The following SDF2 variants were observed in gnomAD, a reference collection of about 807,000 sequenced individuals.
The protein encoded by SDF2 is stromal cell derived factor 2.
Under a neutral mutation model 20.5 loss-of-function variants are expected in SDF2, and 12 were observed. That is an observed-to-expected ratio of 0.58 (90% CI 0.37 to 0.95). The LOEUF (loss-of-function observed/expected upper bound fraction) is 0.95, where lower values mean the gene tolerates loss of function less well. Among genes scored for constraint, SDF2 ranks in the 40% least tolerant of loss-of-function variants. SDF2 has a pLI of 0.01. For synonymous variants in SDF2, 100 were observed against 101.0 expected, an observed-to-expected ratio of 0.99 and a Z score of 0.06; for missense variants, 238 against 263.1, an observed-to-expected ratio of 0.90 and a Z score of 0.66.
In SDF2 at chr17:28,648,711, T is replaced by C. The variant is rs531260889; in HGVS notation, c.*278A>G. The C allele has an allele frequency of 4.4e-6, 2 of 459,280 alleles. No homozygotes were observed. The highest frequency in any genetic ancestry group is 3.9e-5 in the African/African-American group (2 of 51,684). 28.5% of individuals were successfully genotyped at this position (459,280 alleles called of 1,614,324 possible). On this transcript the variant is annotated 3_prime_UTR_variant, in exon 3 of 3. Transcript: ENST00000247020. Reference sequence around the variant, plus strand: ...AAGTTTCCCAGCTAAGAGGGATGTTTCCCTCAGTTTGTTTTATCAGTACTA... The same window carrying C: ...AAGTTTCCCAGCTAAGAGGGATGTTCCCCTCAGTTTGTTTTATCAGTACTA...
intron 1 of SDF2, among the ~76,000 whole-genome samples, chr17:28,660,126 G>A (rs2072009546): frequency 6.6e-6 from 1 of 152,200 alleles, no homozygotes; most frequent in Non-Finnish European, 1.5e-5. Context: ...GCAATCCCAG[G>A]CACTCGGCAG....
At chr17:28,651,591 A>G (rs1393195041) in intron 2 of SDF2, 1 of 152,242 alleles carries the variant, frequency 6.6e-6, no homozygotes, top group Non-Finnish European at 1.5e-5. Context: ...TGAGAATTAA[A>G]TGAGATAGCA....
At chr17:28,655,011 T>C (rs934584924) in intron 2 of SDF2, among the ~76,000 whole-genome samples, 3 of 151,754 alleles carry the variant, frequency 2.0e-5, no homozygotes, top group Admixed American at 6.6e-5. Context: ...GCGCCTGTAA[T>C]CCCAGCTACT....
chr17:28,660,191 A>G (rs1463255899), intron 1 of SDF2, among the ~76,000 whole-genome samples: 3 of 152,248 alleles, frequency 2.0e-5, no homozygotes, highest in Admixed American at 6.5e-5. Flanking sequence ...GCGAGCCGAG[A>G]TCACGGCAGT....
intron 2 of SDF2, among the ~76,000 whole-genome samples, chr17:28,650,819 A>C (rs1365752287): frequency 3.3e-5 from 5 of 151,408 alleles, no homozygotes; most frequent in East Asian, 1.9e-4. Flanking sequence ...AAAAAAAAAA[A>C]AAAAAAAAAA....
chr17:28,650,157 G>A (rs1597667941), intron 2 of SDF2, among the ~76,000 whole-genome samples: 1 of 152,008 alleles, frequency 6.6e-6, no homozygotes, highest in East Asian at 2.0e-4. Flanking sequence ...TCTCCATGTT[G>A]GTCAGGCTGG....
intron 2 of SDF2, among the ~76,000 whole-genome samples, chr17:28,650,743 CA>C (rs1458342017): frequency 4.6e-5 from 6 of 131,032 alleles, no homozygotes; most frequent in Admixed American, 1.9e-4. Context: ...CCGAAGGTTG[CA>C]GTGAGCCGAG....
chr17:28,658,025 TTTA>T lies in SDF2; in HGVS notation c.152-2545_152-2543del, dbSNP rs1255116698. On this transcript the variant is annotated intron_variant, in intron 1 of 2. Coordinates refer to ENST00000247020, the MANE Select transcript of SDF2 (RefSeq NM_006923.4). Reference sequence around the variant, plus strand: ...GCCAACTATCAGCTCCTTTCATGACTTTATTATATCTTTTTTCAGAAAAGGCAA... The same window carrying T: ...GCCAACTATCAGCTCCTTTCATGACTTTATATCTTTTTTCAGAAAAGGCAA... Among the ~76,000 whole-genome samples the T allele has an allele frequency of 3.9e-5, 6 of 152,124 alleles. No individual in the cohort carries two copies. The South Asian group carries it at 1.2e-3, about 32-fold the overall frequency.
intron 2 of SDF2, among the ~76,000 whole-genome samples, chr17:28,651,807 CTACT>C (rs2151581268): frequency 6.6e-6 from 1 of 152,010 alleles, no homozygotes; most frequent in Admixed American, 6.5e-5. Context: ...TGTGTACACT[CTACT>C]TGATAAAATT....
chr17:28,654,870 C>T (rs1452943332), intron 2 of SDF2, among the ~76,000 whole-genome samples: 1 of 152,022 alleles, frequency 6.6e-6, no homozygotes, highest in Non-Finnish European at 1.5e-5. Context: ...GTGGGAGAAC[C>T]GCTTGAACGC....
chr17:28,651,080 T>C (rs2071911153), intron 2 of SDF2, among the ~76,000 whole-genome samples: 1 of 150,628 alleles, frequency 6.6e-6, no homozygotes, highest in South Asian at 2.1e-4. Flanking sequence ...TAAAATACTT[T>C]ACTTTTTTGA....
At chr17:28,659,834 G>A (rs1023153948) in intron 1 of SDF2, among the ~76,000 whole-genome samples, 9 of 151,948 alleles carry the variant, frequency 5.9e-5, no homozygotes, top group East Asian at 1.9e-4. Context: ...CTTCCTAGAC[G>A]GGGTGGCGGC....
upstream of SDF2, chr17:28,662,054 C>T (rs1293111549): frequency 4.5e-6 from 3 of 672,308 alleles, no homozygotes; most frequent in South Asian, 2.0e-5. Flanking sequence ...ACGATACTCT[C>T]GCTCTGTTCC....
intron 2 of SDF2, among the ~76,000 whole-genome samples, chr17:28,653,804 T>C (rs992487076): frequency 6.6e-6 from 1 of 151,980 alleles, no homozygotes; most frequent in East Asian, 1.9e-4. Context: ...AGCGAGACTC[T>C]GTCTCAAAAA....
intron 1 of SDF2, chr17:28,661,014 G>A (rs1010127429): frequency 1.2e-5 from 4 of 329,892 alleles, no homozygotes. Context: ...CATGTAGTAG[G>A]AACTCATTAA....
At chr17:28,660,958 G>A (rs150275479) in intron 1 of SDF2, 1 of 161,508 alleles carries the variant, frequency 6.2e-6, no homozygotes, top group Non-Finnish European at 1.3e-5. Flanking sequence ...TAATTTTCTT[G>A]ACTGATTATC....
chr17:28,658,789 C>A (rs1186052748), intron 1 of SDF2, among the ~76,000 whole-genome samples: 1 of 152,212 alleles, frequency 6.6e-6, no homozygotes, highest in African/African-American at 2.4e-5. Flanking sequence ...CTGTTGGGTA[C>A]ACCTGCAGAA....
At chr17:28,655,526 G>A (rs375325673) in intron 1 of SDF2, 43 bp from the exon 2 acceptor site, 3 of 1,513,432 alleles carry the variant, frequency 2.0e-6, no homozygotes, top group Admixed American at 4.0e-5. Flanking sequence ...CTCTGCCATG[G>A]ACAACATGCT....
chr17:28,649,129 ATTG>A lies in SDF2; in HGVS notation c.493_495del (p.Gln165del). 1 of 1,614,186 alleles carries A rather than the reference ATTG, an allele frequency of 6.2e-7. No homozygotes were observed. Among genetic ancestry groups the A allele is most frequent in the Non-Finnish European group, 8.5e-7 (1 of 1,180,040 alleles). ...TTTTGCCCACTGATAGGTCGACCATATTGTTCTCCTGTGACAGACAGCAGTACC... is the reference window on the plus strand; with the variant it reads ...TTTTGCCCACTGATAGGTCGACCATATTCTCCTGTGACAGACAGCAGTACC... On this transcript the variant is annotated inframe_deletion, in exon 3 of 3. Transcript: ENST00000247020.
Sources: gnomAD v4.1 joint callset for allele counts (sites outside exome capture counted in the v4.1 genomes callset) on GRCh38, gnomAD v4.1.1 for gene constraint, MANE v1.5 for transcripts, NCBI Gene and HGNC (gene_info 2026-07-23, HGNC 2026-07-21) for gene names.